DNM3: variants seen among roughly 807,000 people sequenced by gnomAD.
DNM3 encodes the protein dynamin 3, also known as dynamin-3.
In DNM3, 47 loss-of-function variants were observed where a neutral mutation model predicts 101.6. The observed-to-expected ratio is 0.46, with a 90% CI of 0.37 to 0.59. DNM3 has a LOEUF of 0.59. Ranked by LOEUF, DNM3 falls within the 20% of genes least tolerant of loss-of-function variation. DNM3 has a pLI of 0.00. For synonymous variants in DNM3, 385 were observed against 387.9 expected (o/e 0.99, Z 0.09); for missense variants, 849 against 1,085.7 (o/e 0.78, Z 3.06).
At chr1:171,883,534 C>T (rs1020486560) in intron 1 of DNM3, among the ~76,000 whole-genome samples, 12 of 151,542 alleles carry the variant, frequency 7.9e-5, no homozygotes, top group East Asian at 1.9e-4. Flanking sequence ...TGTAATAGCG[C>T]GATCTCGGCT....
chr1:172,302,048 C>T (rs547277570), intron 15 of DNM3, among the ~76,000 whole-genome samples: 17 of 152,278 alleles, frequency 1.1e-4, no homozygotes, highest in African/African-American at 4.1e-4. Flanking sequence ...GAGTGCAGCC[C>T]ACAGAGGACG....
intron 15 of DNM3, among the ~76,000 whole-genome samples, chr1:172,285,104 A>G (rs1317973299): frequency 6.6e-6 from 1 of 152,200 alleles, no homozygotes; most frequent in East Asian, 1.9e-4. Context: ...GACCATCACC[A>G]GCACTGTCAT....
At chr1:172,039,672 T>G (rs1199328987) in intron 7 of DNM3, among the ~76,000 whole-genome samples, 1 of 152,092 alleles carries the variant, frequency 6.6e-6, no homozygotes, top group Admixed American at 6.6e-5. Flanking sequence ...ACAGAACTTT[T>G]CACAGCTAGA....
At chr1:172,030,592 C>T (rs1311472682) in intron 4 of DNM3, among the ~76,000 whole-genome samples, 1 of 152,090 alleles carries the variant, frequency 6.6e-6, no homozygotes, top group Non-Finnish European at 1.5e-5. Flanking sequence ...GCAAAAGAAA[C>T]TATCATCAGA....
chr1:172,200,960 A>G (rs966963329), intron 14 of DNM3, among the ~76,000 whole-genome samples: 8 of 152,072 alleles, frequency 5.3e-5, no homozygotes, highest in African/African-American at 1.9e-4. Flanking sequence ...AGTTACCACA[A>G]AGTTCTTGTG....
At chr1:171,948,074 C>T (rs144829749) in intron 2 of DNM3, among the ~76,000 whole-genome samples, 1,563 of 152,292 alleles carry the variant, frequency 0.01, 17 homozygotes, top group Middle Eastern at 0.051. Context: ...AATGGTAATT[C>T]CATCTTCAGT....
chr1:172,080,376 A>G (rs1440112069), intron 11 of DNM3, among the ~76,000 whole-genome samples: 2 of 152,138 alleles, frequency 1.3e-5, no homozygotes, highest in Non-Finnish European at 2.9e-5. Flanking sequence ...GTTGAACTGT[A>G]GTGGAGTCCT....
intron 4 of DNM3, among the ~76,000 whole-genome samples, chr1:172,003,374 TA>T (rs1356350930): frequency 2.0e-5 from 3 of 152,168 alleles, no homozygotes; most frequent in African/African-American, 7.2e-5. Flanking sequence ...TATAAAAACA[TA>T]TTCTACAAGC....
intron 16 of DNM3, chr1:172,310,014 G>T (rs995544675): frequency 6.6e-6 from 1 of 152,208 alleles, no homozygotes; most frequent in African/African-American, 2.4e-5. Flanking sequence ...CCAAATGGAA[G>T]TTAAACTAGA....
At chr1:171,936,182 C>A (rs1182227968) in intron 2 of DNM3, among the ~76,000 whole-genome samples, 1 of 151,868 alleles carries the variant, frequency 6.6e-6, no homozygotes, top group African/African-American at 2.4e-5. Context: ...CATGGTGAAA[C>A]CCCATCTCCA....
At chr1:171,900,391 A>G (rs2038203240) in intron 1 of DNM3, among the ~76,000 whole-genome samples, 1 of 152,148 alleles carries the variant, frequency 6.6e-6, no homozygotes, top group Admixed American at 6.5e-5. Flanking sequence ...AGATGGCTGG[A>G]AAAAACCCCA....
intron 14 of DNM3, among the ~76,000 whole-genome samples, chr1:172,182,182 GT>G (rs796368546): frequency 1.4e-3 from 195 of 144,044 alleles, no homozygotes; most frequent in Middle Eastern, 3.6e-3. Flanking sequence ...ACATTTTATA[GT>G]TTTTTTTTTT....
chr1:171,972,231 T>C (rs1432442511), intron 2 of DNM3, among the ~76,000 whole-genome samples: 1 of 152,234 alleles, frequency 6.6e-6, no homozygotes, highest in Non-Finnish European at 1.5e-5. Context: ...GCGTAATACA[T>C]GTTATATGAA....
chr1:172,082,033 T>A, intron 12 of DNM3, 131 bp downstream of exon 12: 1 of 937,382 alleles, frequency 1.1e-6, no homozygotes, highest in Non-Finnish European at 1.6e-6. Context: ...TCAGTGTGCC[T>A]ACTTAGGAAG....
At chr1:172,078,281 A>G (rs572233056) in intron 11 of DNM3, among the ~76,000 whole-genome samples, 1 of 151,976 alleles carries the variant, frequency 6.6e-6, no homozygotes, top group Admixed American at 6.6e-5. Context: ...TTTAGTAGAG[A>G]TAGGGTTTCA....
chr1:172,095,379 G>A (rs528060342), intron 13 of DNM3, among the ~76,000 whole-genome samples: 2 of 152,260 alleles, frequency 1.3e-5, no homozygotes, highest in East Asian at 3.9e-4. Flanking sequence ...CAATTTGCAA[G>A]CAAGGGATTA....
intron 11 of DNM3, among the ~76,000 whole-genome samples, chr1:172,080,939 C>T (rs2053092886): frequency 6.6e-6 from 1 of 152,162 alleles, no homozygotes. Context: ...CTTCAGCTCA[C>T]CCTCCATGGG....
At chr1:172,153,480 A>G (rs2058219137) in intron 14 of DNM3, among the ~76,000 whole-genome samples, 2 of 152,156 alleles carry the variant, frequency 1.3e-5, no homozygotes, top group Non-Finnish European at 1.5e-5. Flanking sequence ...TGCATCAATC[A>G]CATGATCAGA....
chr1:172,383,753 G>T (rs1203962948), intron 18 of DNM3, among the ~76,000 whole-genome samples: 1 of 152,082 alleles, frequency 6.6e-6, no homozygotes, highest in Non-Finnish European at 1.5e-5. Context: ...AAAACATGTG[G>T]AACATTTTTA....
Sources: allele counts gnomAD v4.1 joint callset (sites outside exome capture counted in the v4.1 genomes callset), GRCh38; gene constraint gnomAD v4.1.1; transcripts MANE v1.5; gene names NCBI Gene and HGNC (gene_info 2026-07-23, HGNC 2026-07-21).